Variants in FCRL4 observed in about 807,000 individuals in gnomAD.
FCRL4 encodes the protein Fc receptor like 4.
Under a neutral mutation model 64.1 loss-of-function variants are expected in FCRL4, and 43 were observed. That is an observed-to-expected ratio of 0.67 (90% CI 0.53 to 0.87). FCRL4 has a LOEUF of 0.87. Among genes scored for constraint, FCRL4 ranks in the 40% least tolerant of loss-of-function variants. The pLI is 0.00. For missense variants in FCRL4, 656 were observed against 613.5 expected (o/e 1.07, Z -0.73); for synonymous variants, 253 against 239.8 (o/e 1.05, Z -0.51).
chr1:157,579,839 G>A (rs1020340947), intron 8 of FCRL4, among the ~76,000 whole-genome samples: 2 of 152,208 alleles, frequency 1.3e-5, no homozygotes, highest in Non-Finnish European at 2.9e-5. Context: ...CTGAGACACT[G>A]ACATAGAAGG....
chr1:157,596,197 A>T (rs1397944408), intron 2 of FCRL4, 131 bp downstream of exon 2: 1 of 1,002,132 alleles, frequency 1.0e-6, no homozygotes, highest in Non-Finnish European at 1.5e-6. Flanking sequence ...ACACGAGCTG[A>T]TGTCTCTACA....
rs538589268 is a variant in FCRL4 at position 157,573,868 on chromosome 1, C to G, written c.*1656G>C. The G allele has an allele frequency of 5.9e-4, 115 of 193,800 alleles. No individual in the cohort carries two copies. The highest frequency in any genetic ancestry group is 2.5e-3 in the African/African-American group (109 of 43,238). The allele number at this position is 193,800 out of a possible 1,614,324, so 12.0% of individuals were successfully genotyped here. Reference sequence around the variant, plus strand: ...TTATATCCAAAACACACAACAATTTCTTAATATTAGTATACAAATTTTTCT... The same window carrying G: ...TTATATCCAAAACACACAACAATTTGTTAATATTAGTATACAAATTTTTCT... On this transcript the variant is annotated 3_prime_UTR_variant, in exon 12 of 12. Coordinates refer to ENST00000271532, the MANE Select transcript of FCRL4 (RefSeq NM_031282.3).
chr1:157,586,162 A>T lies in FCRL4; in HGVS notation c.1135+6T>A. The T allele has an allele frequency of 6.3e-7, 1 of 1,599,892 alleles. No individual in the cohort carries two copies. On this transcript the variant is annotated splice_donor_region_variant and intron_variant, in intron 6 of 11. Coordinates refer to ENST00000271532, the MANE Select transcript of FCRL4 (RefSeq NM_031282.3). ...ATAAATAAGGTCAATAGAGATTAAA[A>T]CTCACCTCTCACAGTGACATTCAGC...
chr1:157,593,356 GTAAGGACCTA>G (rs1206855469), intron 2 of FCRL4, among the ~76,000 whole-genome samples: 1 of 152,142 alleles, frequency 6.6e-6, no homozygotes, highest in Non-Finnish European at 1.5e-5. Context: ...CTGTGGGAGA[GTAAGGACCTA>G]ACTTTGGTGG....
In FCRL4 at chr1:157,587,658, C is replaced by T. The variant is rs186262410; in HGVS notation, c.563-98G>A. 457 of 1,341,756 alleles carry T rather than the reference C, an allele frequency of 3.4e-4. 1 individual carries two copies. The East Asian group carries it at 6.9e-3, about 20-fold the overall frequency. The allele number at this position is 1,341,756 out of a possible 1,614,324, so 83.1% of individuals were successfully genotyped here. A position where few individuals can be genotyped will look rare whatever the true frequency, so the allele number is the denominator to read the frequency against. On this transcript the variant is annotated intron_variant, in intron 4 of 11. Transcript: ENST00000271532. The stretch of plus-strand genomic sequence containing the variant: ...TCAGTCCCAGGAAACTTCAGACACA[C>T]AGCAAGACAAACTTATCAAGCCCTC...
intron 2 of FCRL4, among the ~76,000 whole-genome samples, chr1:157,594,899 ATTTAT>A (rs148699898): frequency 0.042 from 6,373 of 152,106 alleles, 330 homozygotes; most frequent in African/African-American, 0.12. Flanking sequence ...TCTCTGCAGA[ATTTAT>A]TTTATTTTAT....
chr1:157,576,960 C>G (rs1256126145), intron 10 of FCRL4, among the ~76,000 whole-genome samples: 2 of 152,152 alleles, frequency 1.3e-5, no homozygotes, highest in Non-Finnish European at 2.9e-5. Flanking sequence ...CATCAGGTTA[C>G]AACTAAAATT....
intron 3 of FCRL4, among the ~76,000 whole-genome samples, chr1:157,588,393 T>A (rs187892750): frequency 2.4e-3 from 369 of 152,254 alleles, no homozygotes; most frequent in South Asian, 0.014. Flanking sequence ...GTGATCAAAA[T>A]CTCTGACATG....
intron 2 of FCRL4, among the ~76,000 whole-genome samples, chr1:157,593,840 C>T (rs1281986915): frequency 6.6e-6 from 1 of 152,126 alleles, no homozygotes; most frequent in Non-Finnish European, 1.5e-5. Flanking sequence ...CGGCTAACAA[C>T]AAAAGTAACT....
At chr1:157,578,690 A>G (rs1652474543) in intron 9 of FCRL4, 80 bp downstream of exon 9, 4 of 1,472,008 alleles carry the variant, frequency 2.7e-6, no homozygotes, top group South Asian at 1.1e-5. Flanking sequence ...TAGGGAGTCC[A>G]GGGGCATTTC....
chr1:157,584,088 A>G (rs953276974), intron 6 of FCRL4, among the ~76,000 whole-genome samples: 1 of 152,206 alleles, frequency 6.6e-6, no homozygotes, highest in African/African-American at 2.4e-5. Flanking sequence ...GGAATAATTT[A>G]TACTTACCAA....
At chr1:157,581,043 C>G (rs552854391) in intron 7 of FCRL4, among the ~76,000 whole-genome samples, 4 of 152,178 alleles carry the variant, frequency 2.6e-5, no homozygotes, top group Non-Finnish European at 5.9e-5. Flanking sequence ...ATGGCAGGCT[C>G]AAGCCTGCTC....
At chr1:157,585,411 T>A (rs1332398931) in intron 6 of FCRL4, among the ~76,000 whole-genome samples, 1 of 140,756 alleles carries the variant, frequency 7.1e-6, no homozygotes, top group African/African-American at 2.6e-5. Context: ...TCTTTCTTTC[T>A]TTCTTTCTTT....
chr1:157,575,907 C>A (rs994956775), intron 10 of FCRL4, among the ~76,000 whole-genome samples, 177 bp from the exon 11 acceptor site: 1 of 152,146 alleles, frequency 6.6e-6, no homozygotes, highest in African/African-American at 2.4e-5. Flanking sequence ...ATTTCTTAAC[C>A]CAGCCCTCTG....
intron 6 of FCRL4, among the ~76,000 whole-genome samples, chr1:157,582,314 C>T (rs1355896571): frequency 1.3e-5 from 2 of 152,176 alleles, no homozygotes; most frequent in Non-Finnish European, 2.9e-5. Context: ...CTGCCCTGTG[C>T]TGGGCATTGA....
rs1302854473 is a variant in FCRL4 at position 157,575,284 on chromosome 1, T to C, written c.*240A>G. On this transcript the variant is annotated 3_prime_UTR_variant, in exon 12 of 12. Coordinates refer to ENST00000271532, the MANE Select transcript of FCRL4 (RefSeq NM_031282.3). The stretch of plus-strand genomic sequence containing the variant: ...ATTAGGTCAGGCCCACAGCAAATAC[T>C]ACAGGGTCTTCTCTTAACTGTGGAT... 3.7e-6 allele frequency: 2 copies of C among 542,704 alleles called. No individual in the cohort carries two copies. The highest frequency in any genetic ancestry group is 3.3e-6 in the Non-Finnish European group (1 of 300,786). The allele number at this position is 542,704 out of a possible 1,614,324, so 33.6% of individuals were successfully genotyped here. A position where few individuals can be genotyped will look rare whatever the true frequency, so the allele number is the denominator to read the frequency against.
Position 157,586,168 on chromosome 1 carries a change from CT to C in FCRL4, c.1134del (p.Glu379ArgfsTer106), listed in dbSNP as rs748134671. 1 of 1,602,028 alleles carries C rather than the reference CT, an allele frequency of 6.2e-7. No individual in the cohort carries two copies. Among genetic ancestry groups the C allele is most frequent in the South Asian group, 1.1e-5 (1 of 90,656 alleles). ...VQSMVLNVTVRETPGNRDGLV... is the reference protein window; with the variant it reads ...VQSMVLNVTVXETPGNRDGLV... ...AAGGTCAATAGAGATTAAAACTCAC[CT>C]CTCACAGTGACATTCAGCACCATGC... On this transcript the variant is annotated frameshift_variant and splice_region_variant, in exon 6 of 12. Transcript: ENST00000271532. LOFTEE classifies it high-confidence loss of function.
intron 3 of FCRL4, among the ~76,000 whole-genome samples, chr1:157,588,934 G>A (rs1652771330): frequency 6.6e-6 from 1 of 152,278 alleles, no homozygotes; most frequent in African/African-American, 2.4e-5. Flanking sequence ...GGCAGGATCT[G>A]AGACAGCTTC....
chr1:157,595,798 G>A (rs975401368), intron 2 of FCRL4, among the ~76,000 whole-genome samples: 4 of 152,206 alleles, frequency 2.6e-5, no homozygotes, highest in Admixed American at 6.5e-5. Context: ...ACACCTGTGA[G>A]GCAGCTGCCT....
Sources: gnomAD v4.1 joint callset for allele counts (sites outside exome capture counted in the v4.1 genomes callset) on GRCh38, gnomAD v4.1.1 for gene constraint, MANE v1.5 for transcripts, NCBI Gene and HGNC (gene_info 2026-07-23, HGNC 2026-07-21) for gene names.